Variants in MAP2K5 observed in about 807,000 individuals in gnomAD.
MAP2K5 encodes the protein mitogen-activated protein kinase kinase 5.
MAP2K5 carries 49 observed loss-of-function variants against 83.1 expected under a neutral mutation model. The observed-to-expected ratio is 0.59, with a 90% CI of 0.47 to 0.75. The LOEUF (loss-of-function observed/expected upper bound fraction) is 0.75, where lower values mean the gene tolerates loss of function less well. Among genes scored for constraint, MAP2K5 ranks in the 30% least tolerant of loss-of-function variants. The pLI, the probability that MAP2K5 is intolerant of heterozygous loss-of-function variation, is 0.00. For synonymous variants in MAP2K5, 202 were observed against 191.8 expected (o/e 1.05, Z -0.44); for missense variants, 457 against 557.5 (o/e 0.82, Z 1.82).
Position 67,665,597 on chromosome 15 carries a change from T to G in MAP2K5, c.847+952T>G, listed in dbSNP as rs1460265803. 6.6e-6 allele frequency among the ~76,000 whole-genome samples: 1 copy of G among 152,236 alleles called. No individual in the cohort carries two copies. Among genetic ancestry groups the G allele is most frequent in the Non-Finnish European group, 1.5e-5 (1 of 68,042 alleles). On this transcript the variant is annotated intron_variant, in intron 13 of 21. Coordinates refer to ENST00000178640, the MANE Select transcript of MAP2K5 (RefSeq NM_145160.3). This position sits in a 1 kb window ranked among gnomAD's most constrained non-coding sequence, Gnocchi z 4.2. ...AGGGTTGTTTTCTTTTGTGGTGGTT[T>G]TAATATCCTAGTGATTCCACATTTC... is the stretch of plus-strand genomic sequence containing the variant.
In MAP2K5 at chr15:67,676,307, T is replaced by A. The variant is rs1178469585; in HGVS notation, c.847+11662T>A. Among the ~76,000 whole-genome samples the A allele has an allele frequency of 6.6e-6, 1 of 152,234 alleles. No individual in the cohort carries two copies. The highest frequency in any genetic ancestry group is 2.4e-5 in the African/African-American group (1 of 41,460). On this transcript the variant is annotated intron_variant, in intron 13 of 21. Transcript: ENST00000178640. The surrounding 1 kb of genome is among the most constrained non-coding windows in gnomAD (Gnocchi z 4.8). ...CATTGATTGTATGCCAGTGGATATT[T>A]GTTGGATGAATACATTGAATCATAA...
intron 8 of MAP2K5, among the ~76,000 whole-genome samples, chr15:67,622,699 G>T (rs2086215077): frequency 6.6e-6 from 1 of 152,052 alleles, no homozygotes. Context: ...CCAGTACTGG[G>T]GACAGACACA....
At position 67,778,833 on chromosome 15, in the gene MAP2K5, G is replaced by A. The variant is rs926525430; in HGVS notation, c.1242+6081G>A. Among the ~76,000 whole-genome samples the A allele has an allele frequency of 2.6e-5, 4 of 152,180 alleles. No homozygotes were observed. Among genetic ancestry groups the A allele is most frequent in the African/African-American group, 9.7e-5 (4 of 41,430 alleles). On this transcript the variant is annotated intron_variant, in intron 21 of 21. Coordinates refer to ENST00000178640, the MANE Select transcript of MAP2K5 (RefSeq NM_145160.3). The surrounding 1 kb of genome is among the most constrained non-coding windows in gnomAD (Gnocchi z 5.0). ...CCTGAGCGCAAATATGAAGAAAGGTGCATTTCCATAGCCCCCTTAGAGAGT... is the reference window on the plus strand; with the variant it reads ...CCTGAGCGCAAATATGAAGAAAGGTACATTTCCATAGCCCCCTTAGAGAGT...
chr15:67,593,807 G>A (rs1390790795), intron 7 of MAP2K5, among the ~76,000 whole-genome samples: 1 of 152,074 alleles, frequency 6.6e-6, no homozygotes, highest in Non-Finnish European at 1.5e-5. Flanking sequence ...TCCATGTTTC[G>A]AAGGCTGAAA....
At chr15:67,545,581 C>T (rs755383198) in intron 1 of MAP2K5, among the ~76,000 whole-genome samples, 13 of 152,138 alleles carry the variant, frequency 8.5e-5, no homozygotes, top group Non-Finnish European at 1.9e-4. Flanking sequence ...TTTTCTCTTA[C>T]TCATTTAAAA....
Position 67,573,847 on chromosome 15 carries a change from A to G in MAP2K5, c.253-6907A>G, listed in dbSNP as rs1444860699. On this transcript the variant is annotated intron_variant, in intron 3 of 21. Coordinates refer to ENST00000178640, the MANE Select transcript of MAP2K5 (RefSeq NM_145160.3). The surrounding 1 kb of genome is among the most constrained non-coding windows in gnomAD (Gnocchi z 4.2). ...GAAGACAGTAGTTACACAAAGATGA[A>G]TAATCCTGTGTCACCAGCCTTGTAG... Among the ~76,000 whole-genome samples, 2 of 152,210 alleles carry G rather than the reference A, an allele frequency of 1.3e-5. No homozygotes were observed. Among genetic ancestry groups the G allele is most frequent in the Admixed American group, 6.5e-5 (1 of 15,284 alleles).
At position 67,693,423 on chromosome 15, in the gene MAP2K5, A is replaced by T. The variant is rs2088165502; in HGVS notation, c.922-95A>T. On this transcript the variant is annotated intron_variant, in intron 14 of 21. Coordinates refer to ENST00000178640, the MANE Select transcript of MAP2K5 (RefSeq NM_145160.3). ...CTTTTACATAATTTTTAGTTGATTTATATGAATGATGATTGTAGGTTAAAT... is the reference window on the plus strand; with the variant it reads ...CTTTTACATAATTTTTAGTTGATTTTTATGAATGATGATTGTAGGTTAAAT... The T allele has an allele frequency of 6.4e-6, 6 of 944,854 alleles. 1 individual carries two copies. In the South Asian group the frequency reaches 8.6e-5, roughly 14 times the overall value. 58.5% of individuals were successfully genotyped at this position (944,854 alleles called of 1,614,324 possible). A position where few individuals can be genotyped will look rare whatever the true frequency, so the allele number is the denominator to read the frequency against.
At position 67,774,211 on chromosome 15, in the gene MAP2K5, A is replaced by G. The variant is rs1209296867; in HGVS notation, c.1242+1459A>G. ...TGTGTGTGTGTGTGTGTGAGAGAAC[A>G]TAGGTATTTAGATATATCTCTTTAC... On this transcript the variant is annotated intron_variant, in intron 21 of 21. Transcript: ENST00000178640. The surrounding 1 kb of genome is among the most constrained non-coding windows in gnomAD (Gnocchi z 4.9). 6.6e-6 allele frequency among the ~76,000 whole-genome samples: 1 copy of G among 150,512 alleles called. No individual in the cohort carries two copies. The highest frequency in any genetic ancestry group is 1.5e-5 in the Non-Finnish European group (1 of 67,666).
At chr15:67,569,387 A>G (rs1036766269) in intron 3 of MAP2K5, among the ~76,000 whole-genome samples, 44 of 152,242 alleles carry the variant, frequency 2.9e-4, no homozygotes, top group Non-Finnish European at 5.3e-4. Flanking sequence ...GAAAAGAATG[A>G]GAAAGGGAAA....
chr15:67,566,040 T>C (rs997389558), intron 3 of MAP2K5, among the ~76,000 whole-genome samples: 1 of 152,234 alleles, frequency 6.6e-6, no homozygotes, highest in East Asian at 1.9e-4. Context: ...CAAATTTGCA[T>C]TGGTCTTTAT....
At chr15:67,547,455 CTTTTTTTT>C (rs398057779) in intron 1 of MAP2K5, among the ~76,000 whole-genome samples, 7 of 128,762 alleles carry the variant, frequency 5.4e-5, no homozygotes, top group South Asian at 2.5e-4. Flanking sequence ...TTTCTTTTTT[CTTTTTTTT>C]TTTTTTTTTT....
intron 9 of MAP2K5, among the ~76,000 whole-genome samples, chr15:67,634,153 G>A (rs1031233901): frequency 1.3e-5 from 2 of 151,692 alleles, no homozygotes; most frequent in South Asian, 4.2e-4. Flanking sequence ...GAGCTCAGGA[G>A]TACGAGACCA....
chr15:67,781,790 G>A lies in MAP2K5; in HGVS notation c.1242+9038G>A, dbSNP rs990703306. ...GTGTGTGTCTTAGCTTCCTCAGAAG[G>A]CTTCTGAATGGCCTGCATCTCTTTC... On this transcript the variant is annotated intron_variant, in intron 21 of 21. Coordinates refer to ENST00000178640, the MANE Select transcript of MAP2K5 (RefSeq NM_145160.3). The surrounding 1 kb of genome is among the most constrained non-coding windows in gnomAD (Gnocchi z 4.0). 3.3e-5 allele frequency among the ~76,000 whole-genome samples: 5 copies of A among 152,146 alleles called. No individual in the cohort carries two copies. Among genetic ancestry groups the A allele is most frequent in the Non-Finnish European group, 5.9e-5 (4 of 68,008 alleles).
chr15:67,746,350 T>A lies in MAP2K5; in HGVS notation c.1075-1881T>A, dbSNP rs1383595771. ...AATTTGTGAAACACATTCTCTTTGA[T>A]GTCAGAAATGGATTTCTGATTCTTT... On this transcript the variant is annotated intron_variant, in intron 17 of 21. Transcript: ENST00000178640. The surrounding 1 kb of genome is among the most constrained non-coding windows in gnomAD (Gnocchi z 4.1). Among the ~76,000 whole-genome samples, 4 of 152,202 alleles carry A rather than the reference T, an allele frequency of 2.6e-5. No homozygotes were observed. Among genetic ancestry groups the A allele is most frequent in the African/African-American group, 9.7e-5 (4 of 41,444 alleles).
chr15:67,564,941 G>C (rs1461262025), intron 3 of MAP2K5, among the ~76,000 whole-genome samples: 1 of 152,222 alleles, frequency 6.6e-6, no homozygotes, highest in Non-Finnish European at 1.5e-5. Flanking sequence ...TGTGGTCACA[G>C]TGATAATGAT....
chr15:67,639,530 G>T (rs561440316), intron 9 of MAP2K5, among the ~76,000 whole-genome samples: 12 of 152,302 alleles, frequency 7.9e-5, no homozygotes, highest in African/African-American at 2.9e-4. Context: ...AGGTAGTCTT[G>T]TTCTAAGTGC....
At chr15:67,633,672 T>G (rs931445803) in intron 9 of MAP2K5, among the ~76,000 whole-genome samples, 1 of 152,248 alleles carries the variant, frequency 6.6e-6, no homozygotes, top group African/African-American at 2.4e-5. Context: ...AGAACTGTAC[T>G]GTATTCACTT....
Position 67,748,543 on chromosome 15 carries a change from T to A in MAP2K5, c.1102-26T>A. 1 of 1,611,564 alleles carries A rather than the reference T, an allele frequency of 6.2e-7. No individual in the cohort carries two copies. Among genetic ancestry groups the A allele is most frequent in the Non-Finnish European group, 8.5e-7 (1 of 1,177,806 alleles). On this transcript the variant is annotated intron_variant, in intron 18 of 21. Coordinates refer to ENST00000178640, the MANE Select transcript of MAP2K5 (RefSeq NM_145160.3). This position sits in a 1 kb window ranked among gnomAD's most constrained non-coding sequence, Gnocchi z 4.0. The stretch of plus-strand genomic sequence containing the variant: ...AAGATATTGCATAGAGGCTAATACT[T>A]TTTCCTCTCTTCTTTTCCATTGCAG...
intron 16 of MAP2K5, among the ~76,000 whole-genome samples, chr15:67,705,593 G>A (rs1448448941): frequency 6.6e-6 from 1 of 152,092 alleles, no homozygotes; most frequent in Non-Finnish European, 1.5e-5. Flanking sequence ...ACAATTAGCT[G>A]GGTGTGGTGG....
Sources: allele counts gnomAD v4.1 joint callset (sites outside exome capture counted in the v4.1 genomes callset), GRCh38; gene constraint gnomAD v4.1.1; non-coding constraint Gnocchi (gnomAD v3.1); transcripts MANE v1.5; gene names NCBI Gene and HGNC (gene_info 2026-07-23, HGNC 2026-07-21).